Variants in TMC4 observed in about 807,000 individuals in gnomAD.
TMC4 encodes the protein transmembrane channel like 4.
In TMC4, 70 loss-of-function variants were observed where a neutral mutation model predicts 82.0. The observed-to-expected ratio is 0.85, with a 90% CI of 0.70 to 1.04. The LOEUF (loss-of-function observed/expected upper bound fraction) is 1.04. Among genes scored for constraint, TMC4 ranks in the 50% least tolerant of loss-of-function variants. TMC4 has a pLI of 0.00. For missense variants in TMC4, 879 were observed against 899.0 expected, an observed-to-expected ratio of 0.98 and a Z score of 0.28; for synonymous variants, 446 against 406.0, an observed-to-expected ratio of 1.10 and a Z score of -1.18.
rs141819751 is a variant in TMC4 at position 54,162,714 on chromosome 19, C to T, written c.1461G>A (p.Leu487=). The T allele has an allele frequency of 1.5e-4, 247 of 1,614,074 alleles. No individual in the cohort carries two copies. In the African/African-American group the frequency reaches 2.9e-3, roughly 19 times the overall value. The change falls in exon 10 of 15, where the codon CTG becomes CTA. Residue 487 remains leucine, a synonymous_variant. Transcript: ENST00000619895. Reference sequence around the variant, plus strand: ...TGAGCAGCGCGACTGCCAAGACAGTCAGCAGATCAAAGAGCAGAAGTTTGT... The same window carrying T: ...TGAGCAGCGCGACTGCCAAGACAGTTAGCAGATCAAAGAGCAGAAGTTTGT... The part of the protein sequence containing the change: ...EMYKLLLFDL[L]TVLAVALLIQ...
At chr19:54,170,598 T>A (rs1333790092) in intron 2 of TMC4, among the ~76,000 whole-genome samples, 2 of 132,132 alleles carry the variant, frequency 1.5e-5, no homozygotes, top group East Asian at 4.4e-4. Flanking sequence ...GCTACACACA[T>A]CCTCCTGTGT....
chr19:54,164,496 C>T lies in TMC4; in HGVS notation c.1051G>A (p.Ala351Thr), dbSNP rs560043659. Residue 351 changes from alanine (A) to threonine (T), a missense_variant, in exon 7 of 15, where the codon GCG becomes ACG. Physicochemically the swap from Ala to Thr is moderately conservative, Grantham distance 58. Coordinates refer to ENST00000619895, the MANE Select transcript of TMC4 (RefSeq NM_144686.4). The part of the protein sequence containing the change: ...VRVLLNLLVV[A>T]LLGAAFYGVY... ...CCATAGAAGGCTGCCCCCAGGAGCG[C>T]GACCACCAGCAGGTTGAGCAGCACC... 10 of 1,613,948 alleles carry T rather than the reference C, an allele frequency of 6.2e-6. 1 individual carries two copies. In the East Asian group the frequency reaches 2.0e-4, roughly 32 times the overall value.
chr19:54,160,781 C>T lies in TMC4; in HGVS notation c.1973+97G>A, dbSNP rs1336377105. On this transcript the variant is annotated intron_variant, in intron 13 of 14. Coordinates refer to ENST00000619895, the MANE Select transcript of TMC4 (RefSeq NM_144686.4). ...TCCTCCCTCAGACTCAGTACGTTGCCTGCTCCCACGCCCAAGCCTCTCCTC... is the reference window on the plus strand; with the variant it reads ...TCCTCCCTCAGACTCAGTACGTTGCTTGCTCCCACGCCCAAGCCTCTCCTC... The T allele has an allele frequency of 4.0e-6, 6 of 1,500,688 alleles. No individual in the cohort carries two copies. In the East Asian group the frequency reaches 1.4e-4, roughly 35 times the overall value. 93.0% of individuals were successfully genotyped at this position (1,500,688 alleles called of 1,614,324 possible). A position where few individuals can be genotyped will look rare whatever the true frequency, so the allele number is the denominator to read the frequency against.
chr19:54,172,150 G>C (rs932503055), intron 1 of TMC4, 67 bp from the exon 2 acceptor site: 1 of 1,406,166 alleles, frequency 7.1e-7, no homozygotes, highest in Non-Finnish European at 9.3e-7. Flanking sequence ...CCTCAGACCA[G>C]GAAACCAGGT....
chr19:54,161,220 A>G lies in TMC4; in HGVS notation c.1727T>C (p.Phe576Ser). Residue 576 changes from phenylalanine to serine, a missense_variant, in exon 12 of 15, where the codon TTC becomes TCC. By Grantham distance (155) the Phe-to-Ser change is radical (BLOSUM62 -2). Coordinates refer to ENST00000619895, the MANE Select transcript of TMC4 (RefSeq NM_144686.4). ...FSTCSPAARTFRASAANFFFP... is the reference protein window; with the variant it reads ...FSTCSPAARTSRASAANFFFP... ...AAAGAAATTCGCCGCGGAGGCCCGG[A>G]AGGTGCGGGCAGCCGGGGAGCAGGT... The G allele has an allele frequency of 6.3e-7, 1 of 1,585,856 alleles. No individual in the cohort carries two copies. Among genetic ancestry groups the G allele is most frequent in the South Asian group, 1.1e-5 (1 of 87,338 alleles).
intron 6 of TMC4, among the ~76,000 whole-genome samples, chr19:54,165,063 AAAC>A (rs2146884786): frequency 6.7e-6 from 1 of 149,594 alleles, no homozygotes; most frequent in Admixed American, 6.7e-5. Context: ...ACTTAAAAAA[AAAC>A]AAACTTTTTT....
At chr19:54,160,575 TG>T in intron 13 of TMC4, 30 bp from the exon 14 acceptor site, 1 of 1,613,854 alleles carries the variant, frequency 6.2e-7, no homozygotes, top group Non-Finnish European at 8.5e-7. Flanking sequence ...AAGCCACTCC[TG>T]ACACGCTCTT....
intron 10 of TMC4, among the ~76,000 whole-genome samples, 175 bp downstream of exon 10, chr19:54,162,498 G>A (rs962499718): frequency 6.6e-6 from 1 of 151,942 alleles, no homozygotes; most frequent in African/African-American, 2.4e-5. Flanking sequence ...CGGGGCCAGA[G>A]GGAAGTAACC....
chr19:54,162,051 C>A, intron 11 of TMC4, 51 bp downstream of exon 11: 2 of 1,501,662 alleles, frequency 1.3e-6, no homozygotes, highest in Non-Finnish European at 1.8e-6. Flanking sequence ...CCCAGGAGTG[C>A]GGGCCCCAAT....
chr19:54,169,511 C>T lies in TMC4; in HGVS notation c.442+1G>A, dbSNP rs532848610. The T allele has an allele frequency of 2.5e-6, 4 of 1,611,658 alleles. No individual in the cohort carries two copies. Among genetic ancestry groups the T allele is most frequent in the East Asian group, 2.2e-5 (1 of 44,792 alleles). ...AGGACACCACCCAAACCCCACCGCACCCCCGATCCTCTTCAGTGTCCACGC... is the reference window on the plus strand; with the variant it reads ...AGGACACCACCCAAACCCCACCGCATCCCCGATCCTCTTCAGTGTCCACGC... On this transcript the variant is annotated splice_donor_variant, in intron 3 of 14. Transcript: ENST00000619895. LOFTEE classifies it high-confidence loss of function.
Position 54,168,784 on chromosome 19 carries a change from T to TTTTC in TMC4, c.443-108_443-105dup, listed in dbSNP as rs150732636. On this transcript the variant is annotated intron_variant, in intron 3 of 14. Coordinates refer to ENST00000619895, the MANE Select transcript of TMC4 (RefSeq NM_144686.4). ...AGCCGCGCCTTCCTTTCTTTCTTTC[T>TTTTC]TTTCTTTTCTTTCTTTTCTTTTCTT... is the stretch of plus-strand genomic sequence containing the variant. 7.9e-4 allele frequency: 198 copies of TTTTC among 250,990 alleles called. 12 individuals carry two copies. The highest frequency in any genetic ancestry group is 2.8e-3 in the Admixed American group (27 of 9,714). The allele number at this position is 250,990 out of a possible 1,614,324, so 15.5% of individuals were successfully genotyped here.
intron 3 of TMC4, 30 bp from the exon 4 acceptor site, chr19:54,168,710 T>A: frequency 7.0e-7 from 1 of 1,425,220 alleles, no homozygotes; most frequent in Non-Finnish European, 9.2e-7. Flanking sequence ...GAGGCTCAGG[T>A]TCCTTCCCGG....
At chr19:54,172,702 G>A (rs2075937758) in intron 1 of TMC4, 1 of 293,714 alleles carries the variant, frequency 3.4e-6, no homozygotes, top group Non-Finnish European at 6.2e-6. Flanking sequence ...CCCAAGCGTG[G>A]AACCCTCCTA....
At chr19:54,169,476 C>T (rs938196879) in intron 3 of TMC4, 36 bp downstream of exon 3, 5 of 1,592,250 alleles carry the variant, frequency 3.1e-6, no homozygotes, top group Non-Finnish European at 4.3e-6. Flanking sequence ...GGAGTCCAGG[C>T]CCTGCCCCCA....
intron 6 of TMC4, 51 bp from the exon 7 acceptor site, chr19:54,164,652 C>T: frequency 1.2e-6 from 2 of 1,603,054 alleles, no homozygotes; most frequent in Middle Eastern, 1.7e-4. Flanking sequence ...AGGCGCGGGC[C>T]TCCCGGTTCC....
At chr19:54,171,773 A>T in intron 2 of TMC4, 97 bp downstream of exon 2, 1 of 1,152,328 alleles carries the variant, frequency 8.7e-7, no homozygotes, top group Non-Finnish European at 1.2e-6. Flanking sequence ...CCCAGAAGCC[A>T]GGAGCGGCAG....
intron 8 of TMC4, 115 bp from the exon 9 acceptor site, chr19:54,163,274 G>T: frequency 8.8e-6 from 10 of 1,141,890 alleles, no homozygotes; most frequent in Non-Finnish European, 1.2e-5. Context: ...CTGAGGCCCA[G>T]TGACAGAATC....
rs529769467 is a variant in TMC4 at position 54,164,856 on chromosome 19, C to T, written c.946-255G>A. On this transcript the variant is annotated intron_variant, in intron 6 of 14. Coordinates refer to ENST00000619895, the MANE Select transcript of TMC4 (RefSeq NM_144686.4). Reference sequence around the variant, plus strand: ...CGGTCAATCTCAGCACCCCAGGCCCCGCCCCTGAGGCTCCGCCCAGCATCC... The same window carrying T: ...CGGTCAATCTCAGCACCCCAGGCCCTGCCCCTGAGGCTCCGCCCAGCATCC... 47 of 568,134 alleles carry T rather than the reference C, an allele frequency of 8.3e-5. No homozygotes were observed. In the South Asian group the frequency reaches 9.3e-4, roughly 11 times the overall value. 35.2% of individuals were successfully genotyped at this position (568,134 alleles called of 1,614,324 possible). A position where few individuals can be genotyped will look rare whatever the true frequency, so the allele number is the denominator to read the frequency against.
At chr19:54,160,752 G>T in intron 13 of TMC4, 126 bp downstream of exon 13, 1 of 1,408,156 alleles carries the variant, frequency 7.1e-7, no homozygotes, top group Non-Finnish European at 9.6e-7. Flanking sequence ...CAGGAGCCTA[G>T]GCCTCCTCCC....
Sources: gnomAD v4.1 joint callset for allele counts (sites outside exome capture counted in the v4.1 genomes callset) on GRCh38, gnomAD v4.1.1 for gene constraint, MANE v1.5 for transcripts, NCBI Gene and HGNC (gene_info 2026-07-23, HGNC 2026-07-21) for gene names.